ARHGAP21: variants seen among roughly 807,000 people sequenced by gnomAD.
The protein encoded by ARHGAP21 is rho GTPase-activating protein 21.
A neutral mutation model predicts 164.6 loss-of-function variants in ARHGAP21; 38 were observed. The observed-to-expected ratio is 0.23, with a 90% CI of 0.18 to 0.30. The LOEUF is 0.30. Ranked by LOEUF, ARHGAP21 falls within the 10% of genes least tolerant of loss-of-function variation. The probability of loss-of-function intolerance (pLI) is 1.00; values close to 1 mark genes in which losing one functional copy is unlikely to be tolerated. For synonymous variants in ARHGAP21, 766 were observed against 857.9 expected (o/e 0.89, Z 1.87); for missense variants, 1,822 against 2,370.7 (o/e 0.77, Z 4.81).
chr10:24,634,771 C>T (rs1836201892), intron 5 of ARHGAP21, among the ~76,000 whole-genome samples: 1 of 152,170 alleles, frequency 6.6e-6, no homozygotes, highest in Admixed American at 6.5e-5. Flanking sequence ...AAGAGTCTAT[C>T]ATCTGTGTGG....
intron 2 of ARHGAP21, among the ~76,000 whole-genome samples, chr10:24,699,305 A>G (rs1843437036): frequency 6.6e-6 from 1 of 152,046 alleles, no homozygotes; most frequent in Non-Finnish European, 1.5e-5. Flanking sequence ...TAGATGTCTG[A>G]TACATCTTTA....
chr10:24,718,937 T>C (rs972380260), intron 2 of ARHGAP21, among the ~76,000 whole-genome samples: 5 of 152,150 alleles, frequency 3.3e-5, no homozygotes, highest in African/African-American at 9.7e-5. Context: ...AGGGAAAGTT[T>C]TCTCTTCTTT....
At chr10:24,685,338 A>C (rs1223110579) in intron 2 of ARHGAP21, among the ~76,000 whole-genome samples, 4 of 152,162 alleles carry the variant, frequency 2.6e-5, no homozygotes, top group African/African-American at 7.2e-5. Flanking sequence ...ATCAATATAG[A>C]TATTAGCAGT....
chr10:24,598,931 A>ATGG (rs775854009), intron 14 of ARHGAP21, among the ~76,000 whole-genome samples: 36 of 152,300 alleles, frequency 2.4e-4, no homozygotes, highest in Non-Finnish European at 4.7e-4. Flanking sequence ...TATTTTTAGA[A>ATGG]TGGTGGTGAT....
chr10:24,590,186 T>A (rs2076272797), intron 24 of ARHGAP21: 2 of 1,419,070 alleles, frequency 1.4e-6, no homozygotes, highest in Non-Finnish European at 1.8e-6. Context: ...TTTATGACTT[T>A]AAGAACTGGT....
chr10:24,719,796 ATG>A (rs888796389), intron 2 of ARHGAP21, among the ~76,000 whole-genome samples: 8 of 152,228 alleles, frequency 5.3e-5, no homozygotes, highest in African/African-American at 1.9e-4. Context: ...ACAAGATTTA[ATG>A]TGTATCAGAA....
intron 2 of ARHGAP21, among the ~76,000 whole-genome samples, chr10:24,713,719 C>T (rs1001920523): frequency 6.6e-5 from 10 of 151,640 alleles, no homozygotes; most frequent in South Asian, 4.2e-4. Flanking sequence ...GCAATCCTCC[C>T]GACTCTACCT....
chr10:24,591,018 A>G lies in ARHGAP21; in HGVS notation c.4150+207T>C, dbSNP rs113166764. 1.9e-4 allele frequency: 132 copies of G among 701,604 alleles called. No individual in the cohort carries two copies. The African/African-American group carries it at 2.4e-3, about 13-fold the overall frequency. 43.5% of individuals were successfully genotyped at this position (701,604 alleles called of 1,614,324 possible). A position where few individuals can be genotyped will look rare whatever the true frequency, so the allele number is the denominator to read the frequency against. On this transcript the variant is annotated intron_variant, in intron 24 of 25. Transcript: ENST00000396432. The stretch of plus-strand genomic sequence containing the variant: ...TCATAGTTCCATTCTGACAAACATT[A>G]CAACTGCATGCACTGCCAATGGCAT...
chr10:24,598,670 G>A (rs375469315), intron 14 of ARHGAP21, among the ~76,000 whole-genome samples: 64 of 152,156 alleles, frequency 4.2e-4, no homozygotes, highest in African/African-American at 1.3e-3. Flanking sequence ...GATATTGACT[G>A]GGGTTCTCAA....
At position 24,695,564 on chromosome 10, in the gene ARHGAP21, G is replaced by A. The variant is rs182619341; in HGVS notation, c.64-25167C>T. 5.1e-4 allele frequency among the ~76,000 whole-genome samples: 68 copies of A among 132,572 alleles called. No individual in the cohort carries two copies. The East Asian group carries it at 0.01, about 20-fold the overall frequency. The allele number at this position is 132,572 out of a possible 152,430, so 87.0% of individuals were successfully genotyped here. A position where few individuals can be genotyped will look rare whatever the true frequency, so the allele number is the denominator to read the frequency against. On this transcript the variant is annotated intron_variant, in intron 2 of 25. Transcript: ENST00000396432. Reference sequence around the variant, plus strand: ...AGCCTGGGTGATGGAGTGAGACTGCGTCAAAAAAAAAAAAAAAGAATAGAA... The same window carrying A: ...AGCCTGGGTGATGGAGTGAGACTGCATCAAAAAAAAAAAAAAAGAATAGAA...
At chr10:24,631,072 T>C (rs1322408008) in intron 6 of ARHGAP21, among the ~76,000 whole-genome samples, 2 of 152,206 alleles carry the variant, frequency 1.3e-5, no homozygotes, top group African/African-American at 4.8e-5. Context: ...TCCTGTGATC[T>C]GGAGGTACAT....
chr10:24,622,652 G>A (rs752910975), intron 8 of ARHGAP21, 81 bp downstream of exon 8: 34 of 1,457,800 alleles, frequency 2.3e-5, no homozygotes, highest in Non-Finnish European at 3.2e-5. Flanking sequence ...AAAGTGAACA[G>A]TTTTTAATAG....
intron 4 of ARHGAP21, among the ~76,000 whole-genome samples, chr10:24,651,455 C>A (rs1285936983): frequency 6.6e-6 from 1 of 152,240 alleles, no homozygotes; most frequent in Non-Finnish European, 1.5e-5. Flanking sequence ...AATAAGCCTT[C>A]TGCATATCTC....
intron 1 of ARHGAP21, among the ~76,000 whole-genome samples, chr10:24,722,957 A>C (rs1846079607): frequency 6.6e-6 from 1 of 150,756 alleles, no homozygotes; most frequent in Non-Finnish European, 1.5e-5. Context: ...CCCAACTACC[A>C]CTCGACACGG....
rs140031331 is a variant in ARHGAP21 at position 24,584,675 on chromosome 10, C to T, written c.5614G>A (p.Asp1872Asn). The change falls in exon 26 of 26, where the codon GAT becomes AAT. Residue 1872 changes from aspartate (D) to asparagine (N), a missense_variant. Transcript: ENST00000396432. ...TSDLSRGEIGDPQTENPSTRE... is the reference protein window; with the variant it reads ...TSDLSRGEIGNPQTENPSTRE... ...GTGCTTGGGTTCTCTGTCTGGGGAT[C>T]TCCGATTTCTCCTCTGCTAAGGTCA... 1 of 1,613,814 alleles carries T rather than the reference C, an allele frequency of 6.2e-7. No homozygotes were observed. The highest frequency in any genetic ancestry group is 8.5e-7 in the Non-Finnish European group (1 of 1,179,880).
At chr10:24,703,431 A>G (rs1252882922) in intron 2 of ARHGAP21, among the ~76,000 whole-genome samples, 1 of 152,154 alleles carries the variant, frequency 6.6e-6, no homozygotes, top group Non-Finnish European at 1.5e-5. Context: ...AAACTTCACA[A>G]CAATCCCTGA....
chr10:24,599,154 A>G (rs1172953752), intron 14 of ARHGAP21, among the ~76,000 whole-genome samples: 1 of 152,212 alleles, frequency 6.6e-6, no homozygotes, highest in African/African-American at 2.4e-5. Flanking sequence ...CTTCACATGC[A>G]TTATCTCATT....
chr10:24,596,673 T>G (rs150005872), intron 17 of ARHGAP21, 67 bp downstream of exon 17: 2 of 1,605,450 alleles, frequency 1.2e-6, no homozygotes, highest in South Asian at 2.2e-5. Context: ...GGCTATATAC[T>G]CAGATCCCAT....
At chr10:24,607,116 C>A (rs1281788773) in intron 11 of ARHGAP21, among the ~76,000 whole-genome samples, 1 of 152,162 alleles carries the variant, frequency 6.6e-6, no homozygotes, top group African/African-American at 2.4e-5. Context: ...AGATCAGTGT[C>A]TATACCATGT....
Sources: gnomAD v4.1 joint callset for allele counts (sites outside exome capture counted in the v4.1 genomes callset) on GRCh38, gnomAD v4.1.1 for gene constraint, MANE v1.5 for transcripts, NCBI Gene and HGNC (gene_info 2026-07-23, HGNC 2026-07-21) for gene names.